Variants in CCNL1 observed in about 807,000 individuals in gnomAD.
CCNL1 encodes cyclin-L1.
A neutral mutation model predicts 60.6 loss-of-function variants in CCNL1; 13 were observed. That is an observed-to-expected ratio of 0.21 (90% CI 0.14 to 0.34). CCNL1 has a LOEUF of 0.34. Among genes scored for constraint, CCNL1 ranks in the 10% least tolerant of loss-of-function variants. The pLI, the probability that CCNL1 is intolerant of heterozygous loss-of-function variation, is 1.00. For missense variants in CCNL1, 481 were observed against 664.3 expected, an observed-to-expected ratio of 0.72 and a Z score of 3.03; for synonymous variants, 270 against 244.3, an observed-to-expected ratio of 1.10 and a Z score of -0.98.
In CCNL1 at chr3:157,148,820, TTA is replaced by T. The variant is rs1482068886; in HGVS notation, c.1233-233_1233-232del. 1.2e-5 allele frequency: 6 copies of T among 520,544 alleles called. No individual in the cohort carries two copies. In the East Asian group the frequency reaches 1.6e-4, roughly 14 times the overall value. 32.2% of individuals were successfully genotyped at this position (520,544 alleles called of 1,614,324 possible). ...TTCCAAGGGGAGTAATTAGCAATTT[TTA>T]TAGTGTCCTAGAGCTATGCTTTTTA... On this transcript the variant is annotated intron_variant, in intron 10 of 10. Transcript: ENST00000295926.
intron 3 of CCNL1, chr3:157,157,166 A>G: frequency 8.6e-7 from 1 of 1,169,558 alleles, no homozygotes; most frequent in Non-Finnish European, 1.1e-6. Flanking sequence ...TGTAATATGC[A>G]TAGAAACACT....
At chr3:157,149,072 A>G in intron 10 of CCNL1, 1 of 561,388 alleles carries the variant, frequency 1.8e-6, no homozygotes, top group Admixed American at 3.3e-5. Context: ...TAGCTCCTAC[A>G]CTTCTCCAAA....
intron 3 of CCNL1, among the ~76,000 whole-genome samples, chr3:157,154,933 T>TATACATACATAC (rs369407739): frequency 0.067 from 9,958 of 147,826 alleles, 377 homozygotes; most frequent in African/African-American, 0.12. Flanking sequence ...TCTCCATATA[T>TATACATACATAC]ATACATACAT....
At chr3:157,151,371 A>C (rs1738179436) in intron 5 of CCNL1, 1 of 985,778 alleles carries the variant, frequency 1.0e-6, no homozygotes, top group African/African-American at 1.7e-5. Flanking sequence ...TAAATAAGCC[A>C]GCACTCCAAA....
At chr3:157,152,345 GT>G in intron 4 of CCNL1, 104 bp from the exon 5 acceptor site, 1 of 1,522,858 alleles carries the variant, frequency 6.6e-7, no homozygotes, top group Non-Finnish European at 8.8e-7. Context: ...AGTTCTAATT[GT>G]GCATCGATAA....
chr3:157,159,816 G>A lies in CCNL1; in HGVS notation c.279C>T (p.Ala93=). ...CCTGCGGCAGCCGGAGGAGAATGCC[G>A]GCGGCCTGGATGAGCTCGCAGCCCA... is the stretch of plus-strand genomic sequence containing the variant. ...RILGCELIQA[A]GILLRLPQVA... The change falls in exon 1 of 11, where the codon GCC becomes GCT. Residue 93 remains alanine (A), a synonymous_variant. Coordinates refer to ENST00000295926, the MANE Select transcript of CCNL1 (RefSeq NM_020307.4). 6.5e-7 allele frequency: 1 copy of A among 1,539,322 alleles called. No homozygotes were observed. Among genetic ancestry groups the A allele is most frequent in the Non-Finnish European group, 8.8e-7 (1 of 1,136,946 alleles).
intron 5 of CCNL1, chr3:157,151,145 T>C (rs1431590371): frequency 4.1e-6 from 4 of 984,738 alleles, no homozygotes; most frequent in Non-Finnish European, 4.8e-6. Context: ...ATCCATTTTA[T>C]GCAACACATA....
chr3:157,158,984 A>T lies in CCNL1; in HGVS notation c.379-9T>A, dbSNP rs1456908562. 1 of 1,576,716 alleles carries T rather than the reference A, an allele frequency of 6.3e-7. No homozygotes were observed. The highest frequency in any genetic ancestry group is 1.7e-5 in the Admixed American group (1 of 57,878). ...CAAGCCATAGCAACAATCTGAAAGA[A>T]CCCATGAGCCACAAAAGCCATTGTT... On this transcript the variant is annotated splice_polypyrimidine_tract_variant and intron_variant, in intron 2 of 10. Coordinates refer to ENST00000295926, the MANE Select transcript of CCNL1 (RefSeq NM_020307.4).
chr3:157,157,017 C>T (rs1738676765), intron 3 of CCNL1: 2 of 1,289,808 alleles, frequency 1.6e-6, no homozygotes, highest in East Asian at 1.1e-4. Context: ...TCACTGTTGC[C>T]ATGACGACAG....
At chr3:157,159,630 G>C in intron 1 of CCNL1, 151 bp from the exon 2 acceptor site, 2 of 995,758 alleles carry the variant, frequency 2.0e-6, no homozygotes, top group Non-Finnish European at 1.4e-6. Flanking sequence ...CTCCGCCTCC[G>C]CAGCCCCCCG....
intron 10 of CCNL1, chr3:157,148,879 G>C (rs1018569140): frequency 8.8e-5 from 33 of 373,242 alleles, no homozygotes; most frequent in Non-Finnish European, 1.2e-4. Context: ...AAAAGACATT[G>C]AAGAGCCACG....
chr3:157,156,906 G>A (rs554208982), intron 3 of CCNL1: 1 of 1,285,610 alleles, frequency 7.8e-7, no homozygotes, highest in Non-Finnish European at 1.0e-6. Flanking sequence ...AGAAACAGGA[G>A]TTTTTCTAAA....
chr3:157,146,726 TCAG>T, downstream of CCNL1: 1 of 324,880 alleles, frequency 3.1e-6, no homozygotes, highest in South Asian at 2.4e-5. Context: ...AGCAAACTGT[TCAG>T]CATTTAGAAG....
chr3:157,151,126 A>G, intron 5 of CCNL1: 1 of 985,006 alleles, frequency 1.0e-6, no homozygotes, highest in Non-Finnish European at 1.2e-6. Flanking sequence ...AACCATGAGA[A>G]CTGCTATAAT....
chr3:157,155,415 G>GT (rs947835804), intron 3 of CCNL1, among the ~76,000 whole-genome samples: 8 of 151,940 alleles, frequency 5.3e-5, no homozygotes, highest in African/African-American at 1.9e-4. Context: ...CATTTTCTTT[G>GT]TTTTTGTGTC....
intron 5 of CCNL1, chr3:157,151,708 A>G: frequency 9.9e-7 from 1 of 1,012,020 alleles, no homozygotes; most frequent in Non-Finnish European, 1.2e-6. Flanking sequence ...CATTAAATAC[A>G]TAGGCATGTC....
chr3:157,150,193 T>G, intron 6 of CCNL1, 24 bp from the exon 7 acceptor site: 1 of 1,608,940 alleles, frequency 6.2e-7, no homozygotes, highest in Non-Finnish European at 8.5e-7. Flanking sequence ...ACAGAATGTT[T>G]TAAATTAAAT....
In CCNL1 at chr3:157,158,961, A is replaced by G; in HGVS notation, c.393T>C (p.Ala131=). The G allele has an allele frequency of 6.2e-7, 1 of 1,610,822 alleles. No homozygotes were observed. Among genetic ancestry groups the G allele is most frequent in the Non-Finnish European group, 8.5e-7 (1 of 1,177,866 alleles). ...CGATTTTTGATGCAAGATTAATACA[A>G]GCCATAGCAACAATCTGAAAGAACC... ...VKHSFEIVAM[A]CINLASKIEE... Residue 131 remains alanine (A), a synonymous_variant, in exon 3 of 11, where the codon GCT becomes GCC. Transcript: ENST00000295926.
At chr3:157,159,769 C>T in intron 1 of CCNL1, 23 bp downstream of exon 1, 2 of 1,508,322 alleles carry the variant, frequency 1.3e-6, no homozygotes, top group African/African-American at 1.4e-5. Flanking sequence ...AGCGCCCGGC[C>T]GGCCCGGGGC....
Sources: gnomAD v4.1 joint callset for allele counts (sites outside exome capture counted in the v4.1 genomes callset) on GRCh38, gnomAD v4.1.1 for gene constraint, MANE v1.5 for transcripts, NCBI Gene and HGNC (gene_info 2026-07-23, HGNC 2026-07-21) for gene names.